GRM7: variants seen among roughly 807,000 people sequenced by gnomAD.
The protein encoded by GRM7 is glutamate metabotropic receptor 7.
A neutral mutation model predicts 84.5 loss-of-function variants in GRM7; 35 were observed. The observed-to-expected ratio is 0.41, with a 90% CI of 0.32 to 0.55. The LOEUF (loss-of-function observed/expected upper bound fraction) is 0.55, where lower values mean the gene tolerates loss of function less well. Among genes scored for constraint, GRM7 ranks in the 20% least tolerant of loss-of-function variants. GRM7 has a pLI of 0.19. For missense variants in GRM7, 1,003 were observed against 1,194.6 expected (o/e 0.84, Z 2.36); for synonymous variants, 487 against 455.1 (o/e 1.07, Z -0.89).
At chr3:6,975,209 C>T (rs369860511) in intron 1 of GRM7, among the ~76,000 whole-genome samples, 3 of 152,026 alleles carry the variant, frequency 2.0e-5, no homozygotes, top group Admixed American at 6.6e-5. Context: ...AATTCCCAAT[C>T]GGATAATGAG....
At chr3:7,580,620 G>C (rs1209818768) in intron 8 of GRM7, among the ~76,000 whole-genome samples, 1 of 152,076 alleles carries the variant, frequency 6.6e-6, no homozygotes, top group East Asian at 1.9e-4. Context: ...ATTTTGAACT[G>C]TGTTTTTAAA....
intron 1 of GRM7, among the ~76,000 whole-genome samples, chr3:6,938,997 C>A (rs1052824530): frequency 5.7e-4 from 87 of 152,310 alleles, no homozygotes; most frequent in African/African-American, 1.6e-3. Flanking sequence ...TAACCCCTCT[C>A]GATCTCTTGC....
intron 4 of GRM7, among the ~76,000 whole-genome samples, chr3:7,356,741 A>T (rs1184809189): frequency 6.6e-6 from 1 of 152,100 alleles, no homozygotes; most frequent in Non-Finnish European, 1.5e-5. Flanking sequence ...TTGTACCAGC[A>T]GCTTTTTGAG....
intron 8 of GRM7, among the ~76,000 whole-genome samples, chr3:7,584,470 G>C (rs1695418023): frequency 6.6e-6 from 1 of 152,202 alleles, no homozygotes; most frequent in Admixed American, 6.5e-5. Flanking sequence ...CTATAGCAGA[G>C]GCAAAGATAT....
intron 9 of GRM7, among the ~76,000 whole-genome samples, chr3:7,729,408 T>C (rs776724286): frequency 1.1e-4 from 17 of 152,202 alleles, no homozygotes; most frequent in Non-Finnish European, 1.5e-4. Context: ...CTGTGTCATA[T>C]TCCTAAGTGC....
At chr3:7,706,271 T>C (rs1412124502) in intron 9 of GRM7, among the ~76,000 whole-genome samples, 13 of 152,200 alleles carry the variant, frequency 8.5e-5, no homozygotes, top group Admixed American at 8.5e-4. Flanking sequence ...GTGAAATTTC[T>C]CCAATACACA....
chr3:7,620,251 C>T (rs910773031), intron 8 of GRM7, among the ~76,000 whole-genome samples: 1 of 152,046 alleles, frequency 6.6e-6, no homozygotes, highest in Non-Finnish European at 1.5e-5. Flanking sequence ...AAAATATGCA[C>T]TATTTGGGGC....
At chr3:7,359,585 T>A (rs1575216902) in intron 4 of GRM7, among the ~76,000 whole-genome samples, 2 of 147,958 alleles carry the variant, frequency 1.4e-5, no homozygotes, top group East Asian at 3.9e-4. Context: ...TCCACCTGCC[T>A]TGGACTCCCA....
chr3:7,462,697 G>A (rs575919443), intron 7 of GRM7, among the ~76,000 whole-genome samples: 1 of 152,254 alleles, frequency 6.6e-6, no homozygotes, highest in South Asian at 2.1e-4. Context: ...GAGCCGTGAA[G>A]CCACTACAGG....
chr3:7,202,674 G>T (rs1696104586), intron 2 of GRM7, among the ~76,000 whole-genome samples: 1 of 152,116 alleles, frequency 6.6e-6, no homozygotes, highest in South Asian at 2.1e-4. Flanking sequence ...GCAAAAATGT[G>T]CTGACCTAAA....
intron 7 of GRM7, among the ~76,000 whole-genome samples, chr3:7,485,997 C>G (rs545615990): frequency 2.1e-4 from 32 of 152,170 alleles, no homozygotes; most frequent in African/African-American, 7.5e-4. Flanking sequence ...TGTGTAAGGG[C>G]ACATATATAA....
chr3:7,404,804 AT>A (rs1316650902), intron 4 of GRM7, among the ~76,000 whole-genome samples: 6 of 151,866 alleles, frequency 4.0e-5, no homozygotes, highest in Non-Finnish European at 7.4e-5. Flanking sequence ...AAAAAAAAAA[AT>A]AATAATAATG....
At position 7,173,558 on chromosome 3, in the gene GRM7, A is replaced by G. The variant is rs1281815240; in HGVS notation, c.736+26890A>G. ...GTAACTTGGCCCTGCTTGGATCAACATTGCTTCTTAGAAGGCCCTTTTCCA... is the reference window on the plus strand; with the variant it reads ...GTAACTTGGCCCTGCTTGGATCAACGTTGCTTCTTAGAAGGCCCTTTTCCA... On this transcript the variant is annotated intron_variant, in intron 2 of 9. Coordinates refer to ENST00000357716, the MANE Select transcript of GRM7 (RefSeq NM_000844.4). 2.6e-5 allele frequency among the ~76,000 whole-genome samples: 4 copies of G among 152,266 alleles called. 1 individual carries two copies. The highest frequency in any genetic ancestry group is 1.5e-5 in the Non-Finnish European group (1 of 68,014).
intron 8 of GRM7, among the ~76,000 whole-genome samples, chr3:7,579,699 T>TG (rs1471635980): frequency 1.3e-5 from 2 of 151,834 alleles, no homozygotes; most frequent in African/African-American, 2.4e-5. Flanking sequence ...ACATATTTTT[T>TG]GGGGGTAGGA....
At chr3:7,677,133 G>A (rs1011397479) in intron 8 of GRM7, among the ~76,000 whole-genome samples, 21 of 151,716 alleles carry the variant, frequency 1.4e-4, no homozygotes, top group African/African-American at 3.6e-4. Context: ...GCGGTGGCAC[G>A]TGCCTGTAGT....
chr3:6,880,853 T>G (rs1574962451), intron 1 of GRM7, among the ~76,000 whole-genome samples: 1 of 152,348 alleles, frequency 6.6e-6, no homozygotes, highest in African/African-American at 2.4e-5. Context: ...GGTAGCGATG[T>G]TAATTAACTT....
At chr3:7,142,109 A>G (rs1237917969) in intron 1 of GRM7, among the ~76,000 whole-genome samples, 2 of 152,092 alleles carry the variant, frequency 1.3e-5, no homozygotes, top group East Asian at 1.9e-4. Context: ...ATATTTAACA[A>G]TGAATGTTAG....
At chr3:7,154,937 CAA>C (rs1694400921) in intron 2 of GRM7, among the ~76,000 whole-genome samples, 1 of 151,958 alleles carries the variant, frequency 6.6e-6, no homozygotes, top group Non-Finnish European at 1.5e-5. Context: ...TAGATGTCAG[CAA>C]GAGAGATAAA....
At chr3:6,973,496 C>T (rs576494457) in intron 1 of GRM7, among the ~76,000 whole-genome samples, 3 of 152,084 alleles carry the variant, frequency 2.0e-5, no homozygotes, top group Admixed American at 1.3e-4. Flanking sequence ...TGTATATTTA[C>T]ATATATAGTA....
Sources: allele counts gnomAD v4.1 joint callset (sites outside exome capture counted in the v4.1 genomes callset), GRCh38; gene constraint gnomAD v4.1.1; transcripts MANE v1.5; gene names NCBI Gene and HGNC (gene_info 2026-07-23, HGNC 2026-07-21).